Variants in DOCK4 observed in about 807,000 individuals in gnomAD.
DOCK4 encodes dedicator of cytokinesis protein 4.
Under a neutral mutation model 268.1 loss-of-function variants are expected in DOCK4, and 97 were observed. The ratio of observed to expected loss-of-function variants is 0.36; its 90% confidence interval spans 0.31 to 0.43. The LOEUF (loss-of-function observed/expected upper bound fraction) is 0.43. Ranked by LOEUF, DOCK4 falls within the 20% of genes least tolerant of loss-of-function variation. The pLI, the probability that DOCK4 is intolerant of heterozygous loss-of-function variation, is 1.00. For missense variants in DOCK4, 2,145 were observed against 2,455.7 expected (o/e 0.87, Z 2.67); for synonymous variants, 954 against 887.2 (o/e 1.08, Z -1.34).
chr7:111,933,298 A>ACATATATATATATATATATATTT (rs1794415978), intron 12 of DOCK4, among the ~76,000 whole-genome samples: 1 of 74,840 alleles, frequency 1.3e-5, no homozygotes, highest in African/African-American at 6.6e-5. Flanking sequence ...ATATATATAT[A>ACATATATATATATATATATATTT]TTTTTTTTTT....
intron 7 of DOCK4, among the ~76,000 whole-genome samples, chr7:111,982,918 C>T (rs904897143): frequency 2.0e-5 from 3 of 152,118 alleles, no homozygotes; most frequent in Admixed American, 6.5e-5. Context: ...ACAAACTATA[C>T]GGATTATATT....
intron 43 of DOCK4, among the ~76,000 whole-genome samples, chr7:111,746,649 C>T (rs574617759): frequency 6.6e-6 from 1 of 152,098 alleles, no homozygotes; most frequent in South Asian, 2.1e-4. Flanking sequence ...AAATAAAGAA[C>T]AAGCCCAAAT....
intron 30 of DOCK4, among the ~76,000 whole-genome samples, chr7:111,803,243 T>C (rs1051632509): frequency 1.3e-5 from 2 of 152,218 alleles, no homozygotes; most frequent in African/African-American, 2.4e-5. Flanking sequence ...AAAACATACT[T>C]TGGGAACACG....
At chr7:111,933,484 C>T (rs935595555) in intron 12 of DOCK4, among the ~76,000 whole-genome samples, 3 of 151,184 alleles carry the variant, frequency 2.0e-5, no homozygotes, top group East Asian at 2.0e-4. Flanking sequence ...TTAGTAGAGA[C>T]GGGTGTTTCA....
chr7:111,814,046 C>T (rs2133924822), intron 27 of DOCK4, among the ~76,000 whole-genome samples: 1 of 152,234 alleles, frequency 6.6e-6, no homozygotes, highest in South Asian at 2.1e-4. Flanking sequence ...CCTTGTGGTC[C>T]ACAGTTTCAG....
intron 27 of DOCK4, among the ~76,000 whole-genome samples, chr7:111,816,037 G>C (rs1801525831): frequency 6.6e-6 from 1 of 152,098 alleles, no homozygotes; most frequent in African/African-American, 2.4e-5. Context: ...ATGTATAAAA[G>C]AAAAACTGGT....
intron 23 of DOCK4, among the ~76,000 whole-genome samples, chr7:111,850,300 C>T (rs1170630111): frequency 6.6e-6 from 1 of 152,056 alleles, no homozygotes; most frequent in Non-Finnish European, 1.5e-5. Flanking sequence ...CTGCACACTC[C>T]CTGCCCCCAC....
At chr7:112,099,378 G>A (rs1454895683) in intron 1 of DOCK4, among the ~76,000 whole-genome samples, 2 of 150,682 alleles carry the variant, frequency 1.3e-5, no homozygotes, top group East Asian at 3.9e-4. Flanking sequence ...TCTATAATGC[G>A]ACCCACCACA....
At chr7:112,188,062 G>A (rs1245706508) in intron 1 of DOCK4, among the ~76,000 whole-genome samples, 3 of 152,170 alleles carry the variant, frequency 2.0e-5, no homozygotes, top group Non-Finnish European at 4.4e-5. Flanking sequence ...AAGTAGAGTG[G>A]TTTTATACAA....
intron 1 of DOCK4, among the ~76,000 whole-genome samples, chr7:112,009,279 T>C (rs1801101550): frequency 6.6e-6 from 1 of 152,172 alleles, no homozygotes; most frequent in South Asian, 2.1e-4. Flanking sequence ...ATCTTTCTGC[T>C]AAAAGGATCT....
intron 1 of DOCK4, among the ~76,000 whole-genome samples, chr7:112,050,725 C>T (rs1805273259): frequency 6.6e-6 from 1 of 152,070 alleles, no homozygotes; most frequent in African/African-American, 2.4e-5. Context: ...ATACTTAACT[C>T]TTTCAAAATC....
At chr7:112,002,621 T>G (rs1202695813) in intron 2 of DOCK4, among the ~76,000 whole-genome samples, 1 of 152,194 alleles carries the variant, frequency 6.6e-6, no homozygotes, top group African/African-American at 2.4e-5. Context: ...TACAGTTTCA[T>G]CTATAATAAA....
At chr7:112,096,509 T>G (rs1243199728) in intron 1 of DOCK4, among the ~76,000 whole-genome samples, 1 of 152,180 alleles carries the variant, frequency 6.6e-6, no homozygotes, top group Non-Finnish European at 1.5e-5. Context: ...TAACCCATTA[T>G]GTAACATGTA....
At chr7:111,932,588 A>G (rs1794290424) in intron 12 of DOCK4, among the ~76,000 whole-genome samples, 1 of 152,098 alleles carries the variant, frequency 6.6e-6, no homozygotes, top group South Asian at 2.1e-4. Context: ...TGAAATTTAA[A>G]TTTCCCTAGT....
At chr7:111,879,962 A>C (rs1586251787) in intron 16 of DOCK4, among the ~76,000 whole-genome samples, 1 of 152,168 alleles carries the variant, frequency 6.6e-6, no homozygotes, top group African/African-American at 2.4e-5. Flanking sequence ...CAAATCTAAG[A>C]GTTATTGGTC....
At chr7:111,925,258 T>C (rs1793506933) in intron 12 of DOCK4, among the ~76,000 whole-genome samples, 1 of 152,192 alleles carries the variant, frequency 6.6e-6, no homozygotes, top group African/African-American at 2.4e-5. Context: ...CTATATATCC[T>C]ATCTGGAGTT....
At chr7:111,804,206 T>C (rs1042192770) in intron 30 of DOCK4, among the ~76,000 whole-genome samples, 1 of 152,206 alleles carries the variant, frequency 6.6e-6, no homozygotes, top group Non-Finnish European at 1.5e-5. Context: ...CACTGAGGAA[T>C]GAATGAATAA....
chr7:112,146,521 C>G lies in DOCK4; in HGVS notation c.37+59581G>C, dbSNP rs745610707. On this transcript the variant is annotated intron_variant, in intron 1 of 52. Transcript: ENST00000428084. Reference sequence around the variant, plus strand: ...CTGAGGCAGGCAGATCCTTTGAGGTCAGGAGTTTGAGACCAGCCTAGGCAA... The same window carrying G: ...CTGAGGCAGGCAGATCCTTTGAGGTGAGGAGTTTGAGACCAGCCTAGGCAA... 2.0e-5 allele frequency among the ~76,000 whole-genome samples: 3 copies of G among 152,120 alleles called. No individual in the cohort carries two copies. The East Asian group carries it at 5.8e-4, about 29-fold the overall frequency.
chr7:111,978,781 A>G (rs1474603486), intron 7 of DOCK4, among the ~76,000 whole-genome samples: 2 of 152,200 alleles, frequency 1.3e-5, no homozygotes, highest in South Asian at 2.1e-4. Flanking sequence ...GTTTCTAATC[A>G]TTTACTTGTC....
Sources: allele counts gnomAD v4.1 joint callset (sites outside exome capture counted in the v4.1 genomes callset), GRCh38; gene constraint gnomAD v4.1.1; transcripts MANE v1.5; gene names NCBI Gene and HGNC (gene_info 2026-07-23, HGNC 2026-07-21).